GRM1: variants seen among roughly 807,000 people sequenced by gnomAD.
GRM1 encodes glutamate metabotropic receptor 1.
In GRM1, 33 loss-of-function variants were observed where a neutral mutation model predicts 90.9. The ratio of observed to expected loss-of-function variants is 0.36; its 90% CI spans 0.28 to 0.49. The LOEUF (loss-of-function observed/expected upper bound fraction) is 0.49, where lower values mean the gene tolerates loss of function less well. Ranked by LOEUF, GRM1 falls within the 20% of genes least tolerant of loss-of-function variation. The probability of loss-of-function intolerance (pLI) is 0.99; values close to 1 mark genes in which losing one functional copy is unlikely to be tolerated. For missense variants in GRM1, 1,190 were observed against 1,534.3 expected (o/e 0.78, Z 3.75); for synonymous variants, 700 against 613.2 (o/e 1.14, Z -2.09).
intron 1 of GRM1, among the ~76,000 whole-genome samples, chr6:146,049,940 C>T (rs1399011534): frequency 6.6e-6 from 1 of 151,796 alleles, no homozygotes; most frequent in Non-Finnish European, 1.5e-5. Context: ...AAGTGGCAGA[C>T]GCAGGGTTCA....
intron 1 of GRM1, among the ~76,000 whole-genome samples, chr6:146,054,880 G>A (rs938530387): frequency 2.6e-5 from 4 of 152,000 alleles, no homozygotes; most frequent in African/African-American, 9.7e-5. Context: ...TAGTGTCAGC[G>A]ACAGTTGTCT....
chr6:146,304,548 C>A, intron 2 of GRM1, 63 bp from the exon 3 acceptor site: 1 of 1,118,522 alleles, frequency 8.9e-7, no homozygotes, highest in South Asian at 1.3e-5. Context: ...ATATATAACT[C>A]TGAGCTCTAT....
At chr6:146,128,971 T>C (rs1776294860) in intron 1 of GRM1, among the ~76,000 whole-genome samples, 1 of 152,124 alleles carries the variant, frequency 6.6e-6, no homozygotes, top group Non-Finnish European at 1.5e-5. Context: ...CCTAGAGTCT[T>C]TAGATGTGGT....
intron 2 of GRM1, among the ~76,000 whole-genome samples, chr6:146,293,077 T>C (rs911067306): frequency 3.3e-5 from 5 of 151,926 alleles, no homozygotes; most frequent in African/African-American, 1.2e-4. Context: ...GGTAAATCTA[T>C]AGAGATAAAA....
chr6:146,209,911 T>C (rs1172116334), intron 2 of GRM1, among the ~76,000 whole-genome samples: 1 of 152,096 alleles, frequency 6.6e-6, no homozygotes, highest in Non-Finnish European at 1.5e-5. Context: ...TTGGTGCTCT[T>C]AAAAAATGTA....
chr6:146,434,832 A>C lies in GRM1; in HGVS notation c.*36A>C, dbSNP rs1022765672. 3 of 1,540,140 alleles carry C rather than the reference A, an allele frequency of 1.9e-6. No homozygotes were observed. The African/African-American group carries it at 4.1e-5, about 21-fold the overall frequency. On this transcript the variant is annotated 3_prime_UTR_variant, in exon 8 of 8. Transcript: ENST00000282753. Reference sequence around the variant, plus strand: ...TCCACATAGAAAAGCAAGACAAGCCAGAGATCTCCCACACCTCCAGAGATG... The same window carrying C: ...TCCACATAGAAAAGCAAGACAAGCCCGAGATCTCCCACACCTCCAGAGATG...
At chr6:146,412,075 C>T (rs1338061161) in intron 7 of GRM1, among the ~76,000 whole-genome samples, 1 of 152,108 alleles carries the variant, frequency 6.6e-6, no homozygotes, top group East Asian at 1.9e-4. Flanking sequence ...CCCTCCATCC[C>T]CTCCTTCTGC....
intron 5 of GRM1, among the ~76,000 whole-genome samples, chr6:146,362,863 A>G (rs1775541733): frequency 6.6e-6 from 1 of 152,088 alleles, no homozygotes; most frequent in South Asian, 2.1e-4. Context: ...CAAAGAGGCC[A>G]AAGAGCAGAT....
At chr6:146,196,426 T>C (rs913983806) in intron 2 of GRM1, among the ~76,000 whole-genome samples, 2 of 150,750 alleles carry the variant, frequency 1.3e-5, no homozygotes, top group Non-Finnish European at 3.0e-5. Flanking sequence ...TAGCTGGGAC[T>C]ACAGGCACCC....
intron 2 of GRM1, among the ~76,000 whole-genome samples, chr6:146,291,271 A>G (rs1225383437): frequency 2.0e-5 from 3 of 151,826 alleles, no homozygotes; most frequent in Non-Finnish European, 1.5e-5. Context: ...GTTCTTTGAA[A>G]TCCAATTTAA....
chr6:146,138,873 T>C (rs552499918), intron 1 of GRM1, among the ~76,000 whole-genome samples: 1 of 152,190 alleles, frequency 6.6e-6, no homozygotes, highest in African/African-American at 2.4e-5. Context: ...TAATTTGCGG[T>C]TTGATTTGCT....
chr6:146,380,604 A>G (rs1417266272), intron 5 of GRM1, among the ~76,000 whole-genome samples: 1 of 152,128 alleles, frequency 6.6e-6, no homozygotes, highest in African/African-American at 2.4e-5. Context: ...TATGGAATCA[A>G]GGACCCAGGA....
chr6:146,241,153 C>T (rs1205336423), intron 2 of GRM1, among the ~76,000 whole-genome samples: 1 of 152,116 alleles, frequency 6.6e-6, no homozygotes, highest in Non-Finnish European at 1.5e-5. Context: ...TGCCTCATTA[C>T]ACGATTGAGA....
rs551136256 is a variant in GRM1, at chr6:146,383,029, G to A, written c.1603-3861G>A. Among the ~76,000 whole-genome samples, 12 of 152,196 alleles carry A rather than the reference G, an allele frequency of 7.9e-5. No individual in the cohort carries two copies. In the East Asian group the frequency reaches 2.1e-3, roughly 27 times the overall value. On this transcript the variant is annotated intron_variant, in intron 5 of 7. Coordinates refer to ENST00000282753, the MANE Select transcript of GRM1 (RefSeq NM_001278064.2). ...CATAATTTCAGTGTAAATTAATAAAGTCTGAGTCTAGAGGGTTGACTATGA... is the reference window on the plus strand; with the variant it reads ...CATAATTTCAGTGTAAATTAATAAAATCTGAGTCTAGAGGGTTGACTATGA...
chr6:146,307,982 G>T (rs975257634), intron 3 of GRM1, among the ~76,000 whole-genome samples: 1 of 152,158 alleles, frequency 6.6e-6, no homozygotes, highest in Non-Finnish European at 1.5e-5. Context: ...TGTTAGAAAA[G>T]CACTAACTGA....
intron 1 of GRM1, among the ~76,000 whole-genome samples, chr6:146,156,579 T>C (rs1156490728): frequency 1.3e-5 from 2 of 152,342 alleles, no homozygotes; most frequent in East Asian, 3.9e-4. Flanking sequence ...TTTATTGTGT[T>C]GTCAGCCTGA....
intron 2 of GRM1, among the ~76,000 whole-genome samples, chr6:146,290,276 C>T (rs1291857172): frequency 6.6e-6 from 1 of 152,126 alleles, no homozygotes; most frequent in Admixed American, 6.6e-5. Context: ...AGGAAAGATC[C>T]ATGGACGCAA....
intron 7 of GRM1, among the ~76,000 whole-genome samples, chr6:146,420,988 TAAC>T (rs1440192906): frequency 6.6e-6 from 1 of 152,134 alleles, no homozygotes; most frequent in Non-Finnish European, 1.5e-5. Flanking sequence ...TTCATCAGGA[TAAC>T]AACATCTGAT....
intron 6 of GRM1, among the ~76,000 whole-genome samples, chr6:146,390,958 C>T (rs1274960550): frequency 6.6e-6 from 1 of 151,964 alleles, no homozygotes; most frequent in African/African-American, 2.4e-5. Flanking sequence ...CAGAATTTCA[C>T]CTGGTAGAAT....
Sources: allele counts gnomAD v4.1 joint callset (sites outside exome capture counted in the v4.1 genomes callset), GRCh38; gene constraint gnomAD v4.1.1; transcripts MANE v1.5; gene names NCBI Gene and HGNC (gene_info 2026-07-23, HGNC 2026-07-21).